The following WDR49 variants were observed in gnomAD, a reference collection of about 807,000 sequenced individuals.
WDR49 encodes the protein cilia- and flagella-associated protein 337.
In WDR49, 107 loss-of-function variants were observed where a neutral mutation model predicts 119.5. The ratio of observed to expected loss-of-function variants is 0.90; its 90% confidence interval spans 0.77 to 1.05. The LOEUF (loss-of-function observed/expected upper bound fraction) is 1.05, where lower values mean the gene tolerates loss of function less well. Ranked by LOEUF, WDR49 falls within the 50% of genes least tolerant of loss-of-function variation. WDR49 has a pLI of 0.00. For synonymous variants in WDR49, 425 were observed against 418.8 expected (o/e 1.01, Z -0.18); for missense variants, 1,240 against 1,220.5 (o/e 1.02, Z -0.24).
intron 14 of WDR49, 148 bp from the exon 15 acceptor site, chr3:167,528,165 C>A: frequency 3.5e-6 from 2 of 576,840 alleles, no homozygotes; most frequent in Non-Finnish European, 5.7e-6. Flanking sequence ...ATAAAAGAGG[C>A]TAGAAAACGA....
upstream of WDR49, among the ~76,000 whole-genome samples, chr3:167,655,959 T>C (rs1368941625): frequency 1.3e-5 from 2 of 152,114 alleles, no homozygotes; most frequent in South Asian, 4.1e-4. Flanking sequence ...TGTCAAGTCC[T>C]GAATTGTGAC....
intron 17 of WDR49, among the ~76,000 whole-genome samples, chr3:167,504,608 A>C (rs1751698125): frequency 6.6e-6 from 1 of 152,104 alleles, no homozygotes; most frequent in Non-Finnish European, 1.5e-5. Flanking sequence ...TTGTACTTTT[A>C]AGTTAATGCT....
rs116173971 is a variant in WDR49 at position 167,528,123 on chromosome 3, C to A, written c.2407-106G>T. The A allele has an allele frequency of 8.2e-4, 720 of 877,956 alleles. 4 individuals carry two copies. The African/African-American group carries it at 0.011, about 14-fold the overall frequency. The allele number at this position is 877,956 out of a possible 1,614,324, so 54.4% of individuals were successfully genotyped here. On this transcript the variant is annotated intron_variant, in intron 14 of 18. Transcript: ENST00000682715. ...CGATTTTCAAACTTGGGAACAATAA[C>A]CTATGATCCAAATGCAAAAGAAAAG...
chr3:167,614,507 A>G (rs545043595), intron 5 of WDR49, among the ~76,000 whole-genome samples: 1 of 152,322 alleles, frequency 6.6e-6, no homozygotes, highest in East Asian at 1.9e-4. Context: ...CAAGACGTTT[A>G]TGTCTTAGCA....
intron 9 of WDR49, 92 bp from the exon 10 acceptor site, chr3:167,554,890 T>A: frequency 1.1e-6 from 1 of 932,670 alleles, no homozygotes; most frequent in Non-Finnish European, 1.6e-6. Flanking sequence ...ATGTAATCAT[T>A]AAAGAAAATC....
At chr3:167,601,814 G>GT (rs1286621760) in intron 7 of WDR49, among the ~76,000 whole-genome samples, 2 of 152,080 alleles carry the variant, frequency 1.3e-5, no homozygotes, top group Non-Finnish European at 2.9e-5. Context: ...TTCATTTTCT[G>GT]TTTTTTCTAT....
intron 7 of WDR49, among the ~76,000 whole-genome samples, chr3:167,583,344 TAAAA>T (rs1196825433): frequency 6.6e-6 from 1 of 152,122 alleles, no homozygotes; most frequent in African/African-American, 2.4e-5. Context: ...AAATTATCAT[TAAAA>T]ACTAGGTTTT....
chr3:167,486,021 A>G (rs530970068), intron 18 of WDR49, among the ~76,000 whole-genome samples: 2 of 152,270 alleles, frequency 1.3e-5, no homozygotes, highest in Admixed American at 1.3e-4. Context: ...TCACATACAG[A>G]GAGACCACAT....
intron 9 of WDR49, among the ~76,000 whole-genome samples, chr3:167,559,168 C>G (rs1243535798): frequency 6.6e-6 from 1 of 152,170 alleles, no homozygotes; most frequent in Non-Finnish European, 1.5e-5. Context: ...ACCTAAACTT[C>G]TAGGATGTTC....
chr3:167,639,004 T>C (rs1315993685), intron 2 of WDR49, among the ~76,000 whole-genome samples: 1 of 151,670 alleles, frequency 6.6e-6, no homozygotes, highest in African/African-American at 2.4e-5. Flanking sequence ...CTGAGAAATA[T>C]AATTGTTCTT....
intron 2 of WDR49, among the ~76,000 whole-genome samples, chr3:167,636,352 T>C (rs1256737548): frequency 1.3e-5 from 2 of 151,420 alleles, no homozygotes; most frequent in Admixed American, 1.3e-4. Flanking sequence ...TATATGTATA[T>C]ACATGTATAT....
At chr3:167,626,781 T>A (rs942889474) in intron 3 of WDR49, 71 bp downstream of exon 3, 19 of 1,166,024 alleles carry the variant, frequency 1.6e-5, no homozygotes, top group South Asian at 4.5e-5. Context: ...CTGTTACTGC[T>A]AGCCAGGAGC....
At chr3:167,570,675 A>C (rs1451130479) in intron 8 of WDR49, among the ~76,000 whole-genome samples, 1 of 152,212 alleles carries the variant, frequency 6.6e-6, no homozygotes, top group East Asian at 1.9e-4. Flanking sequence ...TTAACAGGAA[A>C]GTTTTTTAGT....
intron 8 of WDR49, among the ~76,000 whole-genome samples, chr3:167,570,339 C>A (rs1577247112): frequency 1.3e-5 from 2 of 152,120 alleles, no homozygotes; most frequent in South Asian, 2.1e-4. Flanking sequence ...ACCAAGGGAA[C>A]CACCAATTGA....
chr3:167,610,386 T>A lies in WDR49; in HGVS notation c.959-5918A>T, dbSNP rs1023833275. Among the ~76,000 whole-genome samples the A allele has an allele frequency of 7.2e-5, 11 of 152,134 alleles. 1 individual carries two copies. The highest frequency in any genetic ancestry group is 1.4e-4 in the African/African-American group (6 of 41,432). On this transcript the variant is annotated intron_variant, in intron 5 of 18. Transcript: ENST00000682715. ...AGAAACAGTGGGCCATTAGGGAACA[T>A]CAACAGTAGTCAGGAAGTACTCTTT...
At chr3:167,611,068 G>A (rs1358725243) in intron 5 of WDR49, among the ~76,000 whole-genome samples, 4 of 152,190 alleles carry the variant, frequency 2.6e-5, no homozygotes, top group African/African-American at 9.7e-5. Context: ...TAACTGTGCT[G>A]TGTAAACTAC....
intron 16 of WDR49, among the ~76,000 whole-genome samples, chr3:167,521,342 C>A (rs972815450): frequency 6.6e-6 from 1 of 152,136 alleles, no homozygotes; most frequent in Non-Finnish European, 1.5e-5. Flanking sequence ...GAACCCTCAA[C>A]TATACCCCCA....
At chr3:167,579,013 A>C (rs540237120) in intron 7 of WDR49, among the ~76,000 whole-genome samples, 1 of 152,200 alleles carries the variant, frequency 6.6e-6, no homozygotes, top group African/African-American at 2.4e-5. Context: ...AGTTTTTACA[A>C]GATCTGATGG....
chr3:167,657,349 C>T (rs1380309813), upstream of WDR49, among the ~76,000 whole-genome samples: 4 of 152,122 alleles, frequency 2.6e-5, no homozygotes, highest in South Asian at 2.1e-4. Flanking sequence ...TCCAAAAAAG[C>T]TTCCAACTTA....
Sources: gnomAD v4.1 joint callset for allele counts (sites outside exome capture counted in the v4.1 genomes callset) on GRCh38, gnomAD v4.1.1 for gene constraint, MANE v1.5 for transcripts, NCBI Gene and HGNC (gene_info 2026-07-23, HGNC 2026-07-21) for gene names.